The following BMPR1B variants were observed in gnomAD, a reference collection of about 807,000 sequenced individuals.
BMPR1B encodes the protein bone morphogenetic protein receptor type-1B.
In BMPR1B, 12 loss-of-function variants were observed where a neutral mutation model predicts 59.1. The observed-to-expected ratio is 0.20, with a 90% CI of 0.13 to 0.33. BMPR1B has a LOEUF of 0.33. Among genes scored for constraint, BMPR1B ranks in the 10% least tolerant of loss-of-function variants. The pLI is 1.00. For missense variants in BMPR1B, 550 were observed against 610.9 expected, an observed-to-expected ratio of 0.90 and a Z score of 1.05; for synonymous variants, 237 against 207.3, an observed-to-expected ratio of 1.14 and a Z score of -1.23.
At chr4:94,806,907 TAGC>T (rs1310455570) in intron 1 of BMPR1B, among the ~76,000 whole-genome samples, 2 of 152,156 alleles carry the variant, frequency 1.3e-5, no homozygotes, top group Non-Finnish European at 2.9e-5. Flanking sequence ...TTTACATTAT[TAGC>T]AGTTGATTTC....
chr4:94,957,594 C>T (rs1053773477), intron 2 of BMPR1B, among the ~76,000 whole-genome samples: 1 of 151,782 alleles, frequency 6.6e-6, no homozygotes, highest in Non-Finnish European at 1.5e-5. Context: ...CTTCGACTGG[C>T]CCACCTTTCT....
In BMPR1B at chr4:94,868,195, G is replaced by C. The variant is rs181200303; in HGVS notation, c.-182-7636G>C. The stretch of plus-strand genomic sequence containing the variant: ...TTCTTTTTTTTTCTTTTGAGACGGG[G>C]TCTCACTCAGTCACCCAGACAGGAG... On this transcript the variant is annotated intron_variant, in intron 1 of 12. Coordinates refer to ENST00000515059, the MANE Select transcript of BMPR1B (RefSeq NM_001203.3). Among the ~76,000 whole-genome samples the C allele has an allele frequency of 6.7e-3, 1,011 of 150,982 alleles. 5 individuals carry two copies. Among genetic ancestry groups the C allele is most frequent in the Middle Eastern group, 0.01 (3 of 288 alleles).
intron 3 of BMPR1B, among the ~76,000 whole-genome samples, chr4:95,074,814 G>T (rs1006445343): frequency 1.3e-5 from 2 of 151,830 alleles, no homozygotes; most frequent in Non-Finnish European, 2.9e-5. Context: ...ACCTGAGTTT[G>T]GTAATGGAAA....
chr4:95,052,539 G>C (rs1349509757), intron 3 of BMPR1B, among the ~76,000 whole-genome samples: 1 of 152,030 alleles, frequency 6.6e-6, no homozygotes, highest in East Asian at 1.9e-4. Context: ...AAGGGAATAT[G>C]TATGAGATTG....
rs1350942729 is a variant in BMPR1B at position 95,158,028 on chromosome 4, G to A, written c.*3355G>A. 1 of 152,092 alleles carries A rather than the reference G, an allele frequency of 6.6e-6. No homozygotes were observed. Among genetic ancestry groups the A allele is most frequent in the Non-Finnish European group, 1.5e-5 (1 of 68,004 alleles). The allele number at this position is 152,092 out of a possible 1,614,324, so 9.4% of individuals were successfully genotyped here. A position where few individuals can be genotyped will look rare whatever the true frequency, so the allele number is the denominator to read the frequency against. ...ATTCATTAGAAGTTTTATGTTGTTG[G>A]TCTGATCTGATTCTTCTTTGTTTGT... On this transcript the variant is annotated 3_prime_UTR_variant, in exon 13 of 13. Transcript: ENST00000515059.
chr4:94,968,209 G>A (rs977960471), intron 2 of BMPR1B, among the ~76,000 whole-genome samples: 8 of 152,170 alleles, frequency 5.3e-5, no homozygotes, highest in Non-Finnish European at 8.8e-5. Context: ...GGTAGCCAAA[G>A]ACTAAAGTGA....
chr4:95,030,297 G>GA (rs1408519791), intron 3 of BMPR1B, among the ~76,000 whole-genome samples: 3 of 152,214 alleles, frequency 2.0e-5, no homozygotes, highest in Admixed American at 6.6e-5. Context: ...TTTTGTATAA[G>GA]GTGTAAGGAA....
intron 3 of BMPR1B, among the ~76,000 whole-genome samples, chr4:95,092,313 C>T (rs957359717): frequency 1.3e-5 from 2 of 152,008 alleles, no homozygotes; most frequent in Admixed American, 1.3e-4. Flanking sequence ...TGGTAGCTAT[C>T]TTAGAAAATT....
chr4:94,786,549 A>AT (rs941903999), intron 1 of BMPR1B, among the ~76,000 whole-genome samples: 2 of 151,646 alleles, frequency 1.3e-5, no homozygotes, highest in African/African-American at 4.8e-5. Flanking sequence ...TTATTTATTT[A>AT]TTTTTTTGAG....
chr4:95,091,105 T>C (rs550435234), intron 3 of BMPR1B, among the ~76,000 whole-genome samples: 56 of 152,220 alleles, frequency 3.7e-4, no homozygotes, highest in African/African-American at 1.2e-3. Context: ...AAGGATATTA[T>C]AAAGATAGAT....
intron 3 of BMPR1B, among the ~76,000 whole-genome samples, chr4:95,026,150 C>CTTTCTTTG (rs1553928512): frequency 2.0e-5 from 3 of 147,096 alleles, no homozygotes; most frequent in African/African-American, 7.7e-5. Context: ...TTCTTTCTTT[C>CTTTCTTTG]TTTCTTTCTT....
Position 95,157,094 on chromosome 4 carries a change from G to T in BMPR1B, c.*2421G>T, listed in dbSNP as rs1455458738. On this transcript the variant is annotated 3_prime_UTR_variant, in exon 13 of 13. Coordinates refer to ENST00000515059, the MANE Select transcript of BMPR1B (RefSeq NM_001203.3). ...GAAATTAAGCTAGATTTCTAGGGAG[G>T]TGTTGGTTCCAATGAAGGATGGGAA... 20 of 152,110 alleles carry T rather than the reference G, an allele frequency of 1.3e-4. No individual in the cohort carries two copies. The highest frequency in any genetic ancestry group is 1.2e-3 in the Admixed American group (19 of 15,274). The allele number at this position is 152,110 out of a possible 1,614,324, so 9.4% of individuals were successfully genotyped here.
chr4:94,953,034 G>T (rs1243675379), intron 2 of BMPR1B, among the ~76,000 whole-genome samples: 1 of 152,040 alleles, frequency 6.6e-6, no homozygotes, highest in African/African-American at 2.4e-5. Flanking sequence ...TGTCTCTTTT[G>T]ATCTTTGTTG....
At chr4:94,810,910 C>G (rs1050033236) in intron 1 of BMPR1B, among the ~76,000 whole-genome samples, 1 of 152,082 alleles carries the variant, frequency 6.6e-6, no homozygotes, top group African/African-American at 2.4e-5. Context: ...TGCGTGTGTG[C>G]ATGTGTATGT....
At chr4:94,920,549 G>A (rs1037163245) in intron 2 of BMPR1B, among the ~76,000 whole-genome samples, 3 of 152,112 alleles carry the variant, frequency 2.0e-5, no homozygotes, top group African/African-American at 7.2e-5. Flanking sequence ...TGGGCTCAGT[G>A]TGGGATCTGC....
rs536291532 is a variant in BMPR1B at position 94,789,408 on chromosome 4, C to T, written c.-183+31340C>T. 2.4e-3 allele frequency among the ~76,000 whole-genome samples: 364 copies of T among 152,300 alleles called. 1 individual carries two copies. The highest frequency in any genetic ancestry group is 3.8e-3 in the Non-Finnish European group (258 of 68,028). ...GTGGTTTGGCCACTATGCTCCTCAT[C>T]TTCAAGGTTCTCATCTCCTTTGAAA... On this transcript the variant is annotated intron_variant, in intron 1 of 12. Transcript: ENST00000515059.
At chr4:94,847,151 GACAT>G (rs1197649401) in intron 1 of BMPR1B, among the ~76,000 whole-genome samples, 2 of 152,138 alleles carry the variant, frequency 1.3e-5, no homozygotes, top group African/African-American at 4.8e-5. Context: ...TTTCTCAAAA[GACAT>G]ACAAATGGCA....
intron 2 of BMPR1B, among the ~76,000 whole-genome samples, chr4:94,901,152 T>C (rs193291173): frequency 2.2e-4 from 34 of 152,082 alleles, no homozygotes; most frequent in Non-Finnish European, 4.3e-4. Flanking sequence ...CATTGGTCAT[T>C]GAAGAGATTT....
At chr4:94,833,653 C>G (rs1281146345) in intron 1 of BMPR1B, among the ~76,000 whole-genome samples, 7 of 152,186 alleles carry the variant, frequency 4.6e-5, no homozygotes, top group African/African-American at 7.2e-5. Context: ...TGCCTAAGTT[C>G]AATGCTGTTG....
Sources: gnomAD v4.1 joint callset for allele counts (sites outside exome capture counted in the v4.1 genomes callset) on GRCh38, gnomAD v4.1.1 for gene constraint, MANE v1.5 for transcripts, NCBI Gene and HGNC (gene_info 2026-07-23, HGNC 2026-07-21) for gene names.